Variants in ADAMTS3 observed in about 807,000 individuals in gnomAD.
The protein encoded by ADAMTS3 is A disintegrin and metalloproteinase with thrombospondin motifs 3.
In ADAMTS3, 73 loss-of-function variants were observed where a neutral mutation model predicts 129.0. That is an observed-to-expected ratio of 0.57 (90% CI 0.47 to 0.69). The LOEUF (loss-of-function observed/expected upper bound fraction) is 0.69. Among genes scored for constraint, ADAMTS3 ranks in the 30% least tolerant of loss-of-function variants. The pLI is 0.00. For missense variants in ADAMTS3, 1,457 were observed against 1,514.5 expected (o/e 0.96, Z 0.63); for synonymous variants, 477 against 510.8 (o/e 0.93, Z 0.89).
intron 4 of ADAMTS3, among the ~76,000 whole-genome samples, chr4:72,373,035 T>C (rs996677805): frequency 6.6e-6 from 1 of 152,216 alleles, no homozygotes; most frequent in African/African-American, 2.4e-5. Flanking sequence ...ATTTTATTTA[T>C]AGATTTAGCA....
chr4:72,318,689 G>C lies in ADAMTS3; in HGVS notation c.1368C>G (p.Leu456=), dbSNP rs749796091. Residue 456 remains leucine, a synonymous_variant, in exon 10 of 22, where the codon CTC becomes CTG. Transcript: ENST00000286657. The part of the protein sequence containing the change: ...LKRYIHSYDC[L]LDDPFDHDWP... The stretch of plus-strand genomic sequence containing the variant: ...AATCATGATCAAAAGGGTCATCAAG[G>C]AGACAGTCATAGGAACTGTAGGAAG... 3.1e-6 allele frequency: 5 copies of C among 1,613,614 alleles called. No individual in the cohort carries two copies. Among genetic ancestry groups the C allele is most frequent in the Non-Finnish European group, 1.7e-6 (2 of 1,179,762 alleles).
rs1379117559 is a variant in ADAMTS3, at chr4:72,389,917, TAAGGAGAGAGAGAAGGAAAAG to T, written c.661+24877_661+24897del. 2.2e-4 allele frequency among the ~76,000 whole-genome samples: 7 copies of T among 32,120 alleles called. No individual in the cohort carries two copies. The East Asian group carries it at 4.4e-3, about 20-fold the overall frequency. The allele number at this position is 32,120 out of a possible 152,430, so 21.1% of individuals were successfully genotyped here. On this transcript the variant is annotated intron_variant, in intron 4 of 21. Coordinates refer to ENST00000286657, the MANE Select transcript of ADAMTS3 (RefSeq NM_014243.3). ...CAATTCACTTATATTTTTCTAATGA[TAAGGAGAGAGAGAAGGAAAAG>T]AAGAGATGAATGTGTATACACACAT...
intron 15 of ADAMTS3, 86 bp downstream of exon 15, chr4:72,309,311 G>A: frequency 7.2e-7 from 1 of 1,380,350 alleles, no homozygotes; most frequent in East Asian, 2.3e-5. Context: ...TGTTTATAGA[G>A]AAAATGCTGC....
At chr4:72,515,297 C>T (rs1396162589) in intron 3 of ADAMTS3, among the ~76,000 whole-genome samples, 1 of 151,084 alleles carries the variant, frequency 6.6e-6, no homozygotes, top group East Asian at 2.0e-4. Flanking sequence ...AATAAACATA[C>T]ATGTGCATGT....
At chr4:72,563,485 C>T (rs1721952904) in intron 2 of ADAMTS3, among the ~76,000 whole-genome samples, 1 of 152,064 alleles carries the variant, frequency 6.6e-6, no homozygotes, top group Admixed American at 6.6e-5. Context: ...GGCAAATGAT[C>T]CCAAGTAGGC....
intron 3 of ADAMTS3, among the ~76,000 whole-genome samples, chr4:72,429,015 C>G (rs977208353): frequency 1.3e-5 from 2 of 152,016 alleles, no homozygotes; most frequent in Non-Finnish European, 2.9e-5. Flanking sequence ...TTTCCATGTT[C>G]CAACTCCAGA....
At chr4:72,524,335 C>T (rs1267284615) in intron 3 of ADAMTS3, among the ~76,000 whole-genome samples, 1 of 152,112 alleles carries the variant, frequency 6.6e-6, no homozygotes, top group Non-Finnish European at 1.5e-5. Flanking sequence ...CTGCAAACAA[C>T]ACTAGATATT....
intron 3 of ADAMTS3, among the ~76,000 whole-genome samples, chr4:72,524,270 T>A (rs1306885148): frequency 6.6e-6 from 1 of 152,110 alleles, no homozygotes; most frequent in Non-Finnish European, 1.5e-5. Context: ...TAGGAAGGTA[T>A]GCAAGTACCT....
chr4:72,316,017 G>T (rs768885905), intron 10 of ADAMTS3, 46 bp from the exon 11 acceptor site: 3 of 1,177,442 alleles, frequency 2.5e-6, no homozygotes, highest in Non-Finnish European at 2.5e-6. Context: ...CAGCTAGCAT[G>T]ACATGCACCA....
chr4:72,394,093 T>C lies in ADAMTS3; in HGVS notation c.661+20722A>G, dbSNP rs182590626. On this transcript the variant is annotated intron_variant, in intron 4 of 21. Transcript: ENST00000286657. ...ATAAAGGTCTCTAGACTGACCCCAC[T>C]CTTAGAGGGAGCTCTTTCAGAGGAA... Among the ~76,000 whole-genome samples the C allele has an allele frequency of 2.0e-5, 3 of 152,172 alleles. No homozygotes were observed. The East Asian group carries it at 5.8e-4, about 30-fold the overall frequency.
At position 72,417,972 on chromosome 4, in the gene ADAMTS3, T is replaced by G. The variant is rs115228566; in HGVS notation, c.505-3001A>C. Among the ~76,000 whole-genome samples the G allele has an allele frequency of 4.0e-3, 579 of 143,640 alleles. 5 individuals are homozygous for G. The highest frequency in any genetic ancestry group is 0.014 in the African/African-American group (540 of 39,586). 94.2% of individuals were successfully genotyped at this position (143,640 alleles called of 152,430 possible). On this transcript the variant is annotated intron_variant, in intron 3 of 21. Coordinates refer to ENST00000286657, the MANE Select transcript of ADAMTS3 (RefSeq NM_014243.3). ...AAGTACTTTATATAAAGCACTGTACTAAATATACTAATAAATGAGAAATCC... is the reference window on the plus strand; with the variant it reads ...AAGTACTTTATATAAAGCACTGTACGAAATATACTAATAAATGAGAAATCC...
At position 72,438,150 on chromosome 4, in the gene ADAMTS3, A is replaced by C. The variant is rs747913053; in HGVS notation, c.505-23179T>G. Among the ~76,000 whole-genome samples, 35 of 151,706 alleles carry C rather than the reference A, an allele frequency of 2.3e-4. 2 individuals are homozygous for C. The highest frequency in any genetic ancestry group is 1.3e-4 in the Admixed American group (2 of 15,192). ...AGCAACCCGACTATATCCAGAGGTAATAGTAGGAAGATAAGGAAGGATTTC... is the reference window on the plus strand; with the variant it reads ...AGCAACCCGACTATATCCAGAGGTACTAGTAGGAAGATAAGGAAGGATTTC... On this transcript the variant is annotated intron_variant, in intron 3 of 21. Coordinates refer to ENST00000286657, the MANE Select transcript of ADAMTS3 (RefSeq NM_014243.3).
intron 3 of ADAMTS3, among the ~76,000 whole-genome samples, chr4:72,437,404 A>C (rs1309478938): frequency 6.6e-6 from 1 of 151,826 alleles, no homozygotes; most frequent in Non-Finnish European, 1.5e-5. Context: ...CTGAATGCCT[A>C]TAAAAGAAGG....
intron 3 of ADAMTS3, among the ~76,000 whole-genome samples, chr4:72,516,813 T>A (rs1267012450): frequency 2.0e-5 from 3 of 152,026 alleles, no homozygotes; most frequent in Non-Finnish European, 4.4e-5. Flanking sequence ...CTTTTCCTAA[T>A]TGAATACCCT....
chr4:72,525,948 C>T (rs964234826), intron 3 of ADAMTS3, among the ~76,000 whole-genome samples: 1 of 152,076 alleles, frequency 6.6e-6, no homozygotes, highest in Admixed American at 6.6e-5. Context: ...AAATCAAATT[C>T]CCCCTTAAGA....
intron 3 of ADAMTS3, among the ~76,000 whole-genome samples, chr4:72,469,749 C>A (rs1161206002): frequency 6.6e-6 from 1 of 152,102 alleles, no homozygotes; most frequent in Non-Finnish European, 1.5e-5. Context: ...ACTGTGAGGA[C>A]AACAGGGAAT....
At position 72,519,332 on chromosome 4, in the gene ADAMTS3, C is replaced by T. The variant is rs560903484; in HGVS notation, c.504+29146G>A. The stretch of plus-strand genomic sequence containing the variant: ...TTATGTGTCTTGGAGTTGCTCTTCT[C>T]GAGGAGTATCTTTGTGGTGTTCTCT... On this transcript the variant is annotated intron_variant, in intron 3 of 21. Transcript: ENST00000286657. 5.8e-3 allele frequency among the ~76,000 whole-genome samples: 882 copies of T among 152,160 alleles called. 2 individuals are homozygous for T. Among genetic ancestry groups the T allele is most frequent in the African/African-American group, 0.02 (842 of 41,502 alleles).
Position 72,312,388 on chromosome 4 carries a change from G to A in ADAMTS3, c.1824C>T (p.His608=). ...ACTGCTGTGCTCTGAAGTCCTCAAA[G>A]TGTTTTTGGCATTCTTCTGTGTTAC... The part of the protein sequence containing the change: ...QLCNTEECQK[H]FEDFRAQQCQ... The change falls in exon 13 of 22, where the codon CAC becomes CAT. Residue 608 remains histidine, a synonymous_variant. Coordinates refer to ENST00000286657, the MANE Select transcript of ADAMTS3 (RefSeq NM_014243.3). 6.2e-7 allele frequency: 1 copy of A among 1,613,770 alleles called. No homozygotes were observed. Among genetic ancestry groups the A allele is most frequent in the East Asian group, 2.2e-5 (1 of 44,826 alleles).
chr4:72,305,952 A>T, intron 16 of ADAMTS3, 35 bp downstream of exon 16: 1 of 1,535,536 alleles, frequency 6.5e-7, no homozygotes, highest in South Asian at 1.1e-5. Flanking sequence ...GTTTCAGTGC[A>T]TGTTAAAGCA....
Sources: gnomAD v4.1 joint callset for allele counts (sites outside exome capture counted in the v4.1 genomes callset) on GRCh38, gnomAD v4.1.1 for gene constraint, MANE v1.5 for transcripts, NCBI Gene and HGNC (gene_info 2026-07-23, HGNC 2026-07-21) for gene names.